Variants in ITPK1 observed in about 807,000 individuals in gnomAD.
The protein encoded by ITPK1 is inositol 1,3,4-trisphosphate 5/6-kinase.
Under a neutral mutation model 45.3 loss-of-function variants are expected in ITPK1, and 21 were observed. The observed-to-expected ratio is 0.46, with a 90% CI of 0.33 to 0.67. The LOEUF (loss-of-function observed/expected upper bound fraction) is 0.67. Among genes scored for constraint, ITPK1 ranks in the 30% least tolerant of loss-of-function variants. The probability of loss-of-function intolerance (pLI) is 0.02; values close to 1 mark genes in which losing one functional copy is unlikely to be tolerated. For missense variants in ITPK1, 474 were observed against 573.5 expected, an observed-to-expected ratio of 0.83 and a Z score of 1.77; for synonymous variants, 258 against 253.6, an observed-to-expected ratio of 1.02 and a Z score of -0.16.
chr14:93,055,606 C>A (rs1345465412), intron 3 of ITPK1, among the ~76,000 whole-genome samples: 9 of 152,200 alleles, frequency 5.9e-5, no homozygotes, highest in Non-Finnish European at 1.3e-4. Flanking sequence ...ATACAAATGC[C>A]ACCTGAACTT....
intron 5 of ITPK1, among the ~76,000 whole-genome samples, chr14:92,977,404 A>G (rs1886001581): frequency 6.6e-6 from 1 of 152,214 alleles, no homozygotes; most frequent in African/African-American, 2.4e-5. Flanking sequence ...ACCCTTAGGC[A>G]TTAAGGAAGG....
intron 2 of ITPK1, among the ~76,000 whole-genome samples, chr14:93,087,678 C>T (rs753704487): frequency 4.6e-5 from 7 of 152,204 alleles, no homozygotes. Context: ...CCCAAGGCTC[C>T]CACAGCTCTG....
intron 5 of ITPK1, among the ~76,000 whole-genome samples, chr14:92,973,077 G>T (rs1273822697): frequency 6.6e-6 from 1 of 152,208 alleles, no homozygotes; most frequent in Non-Finnish European, 1.5e-5. Context: ...CCATGCTGCT[G>T]CCTCGAGTGG....
intron 2 of ITPK1, among the ~76,000 whole-genome samples, chr14:93,107,644 G>A (rs113655593): frequency 6.6e-6 from 1 of 152,192 alleles, no homozygotes; most frequent in African/African-American, 2.4e-5. Context: ...CTGGAGGGGT[G>A]GGGGGATGCG....
intron 2 of ITPK1, among the ~76,000 whole-genome samples, chr14:93,113,826 C>T (rs1217093702): frequency 3.3e-5 from 5 of 152,342 alleles, no homozygotes; most frequent in Middle Eastern, 3.4e-3. Flanking sequence ...GGATAAAGAA[C>T]CAGGCACTAT....
chr14:93,100,547 A>G (rs8015957), intron 2 of ITPK1, among the ~76,000 whole-genome samples: 6,292 of 148,858 alleles, frequency 0.042, 440 homozygotes, highest in African/African-American at 0.14. Context: ...GGAGAGAGAG[A>G]GAGAGAGAGA....
At chr14:93,095,221 C>T (rs1892028009) in intron 2 of ITPK1, among the ~76,000 whole-genome samples, 2 of 152,176 alleles carry the variant, frequency 1.3e-5, no homozygotes, top group Admixed American at 1.3e-4. Flanking sequence ...TACCATCTAC[C>T]GCTGATTGGG....
At chr14:93,075,438 G>C (rs1015851302) in intron 3 of ITPK1, among the ~76,000 whole-genome samples, 7 of 150,434 alleles carry the variant, frequency 4.7e-5, no homozygotes, top group Non-Finnish European at 7.4e-5. Flanking sequence ...AAAACCTAGA[G>C]CTGCTGAGAG....
intron 8 of ITPK1, among the ~76,000 whole-genome samples, chr14:92,954,856 G>A (rs1186063660): frequency 6.6e-6 from 1 of 152,178 alleles, no homozygotes; most frequent in Non-Finnish European, 1.5e-5. Flanking sequence ...GGGAAATCCT[G>A]AGCTGCCCTT....
intron 5 of ITPK1, among the ~76,000 whole-genome samples, chr14:92,991,078 C>T (rs1003377272): frequency 6.6e-6 from 1 of 152,200 alleles, no homozygotes; most frequent in Non-Finnish European, 1.5e-5. Flanking sequence ...CTTCTCCCAG[C>T]ACAAAAGCGT....
At position 92,941,312 on chromosome 14, in the gene ITPK1, CAGTT is replaced by C. The variant is rs927988559; in HGVS notation, c.*245_*248del. 3.0e-4 allele frequency: 421 copies of C among 1,403,436 alleles called. 2 individuals are homozygous for C. In the South Asian group the frequency reaches 3.6e-3, roughly 12 times the overall value. 86.9% of individuals were successfully genotyped at this position (1,403,436 alleles called of 1,614,324 possible). On this transcript the variant is annotated 3_prime_UTR_variant, in exon 11 of 11. Coordinates refer to ENST00000267615, the MANE Select transcript of ITPK1 (RefSeq NM_014216.6). ...TTGCAAACACAAGCGTGTGTAAACT[CAGTT>C]AGGAGGTCTGCACAGTAGAGAGCAG...
At chr14:93,070,917 A>C (rs1437877134) in intron 3 of ITPK1, 1 of 153,798 alleles carries the variant, frequency 6.5e-6, no homozygotes, top group Non-Finnish European at 1.5e-5. Flanking sequence ...GAAATGGTGG[A>C]GTCAGGGTGG....
Position 92,941,435 on chromosome 14 carries a change from T to C in ITPK1, c.*126A>G, listed in dbSNP as rs527564561. ...AGATCATGACATCAGAGAATCAGGT[T>C]AAAAATTAAAAAACAGAAGAATCAG... On this transcript the variant is annotated 3_prime_UTR_variant, in exon 11 of 11. Transcript: ENST00000267615. 101 of 1,418,774 alleles carry C rather than the reference T, an allele frequency of 7.1e-5. 1 individual carries two copies. In the South Asian group the frequency reaches 1.3e-3, roughly 18 times the overall value. 87.9% of individuals were successfully genotyped at this position (1,418,774 alleles called of 1,614,324 possible).
chr14:93,078,738 C>G (rs1891324240), intron 2 of ITPK1, among the ~76,000 whole-genome samples: 1 of 152,176 alleles, frequency 6.6e-6, no homozygotes, highest in Non-Finnish European at 1.5e-5. Context: ...CGTTTCTGAG[C>G]ACCTGTGGAC....
intron 3 of ITPK1, among the ~76,000 whole-genome samples, chr14:93,051,538 C>A (rs926450281): frequency 7.3e-6 from 1 of 136,392 alleles, no homozygotes; most frequent in Non-Finnish European, 1.6e-5. Flanking sequence ...ATCGCTTGAG[C>A]CTGGGAGGCG....
Position 92,958,234 on chromosome 14 carries a change from G to T in ITPK1, c.637C>A (p.Pro213Thr). 1 of 1,614,196 alleles carries T rather than the reference G, an allele frequency of 6.2e-7. No individual in the cohort carries two copies. The highest frequency in any genetic ancestry group is 1.1e-5 in the South Asian group (1 of 91,080). ...VGESYTVVQR[P>T]SLKNFSAGTS... ...CCTGCGGAGAAGTTCTTGAGTGAGG[G>T]CCTCTGGACCACGGTGTAGGACTCG... Residue 213 changes from proline to threonine, a missense_variant, in exon 8 of 11, where the codon CCC becomes ACC. Transcript: ENST00000267615. This position sits in a 1 kb window ranked among gnomAD's most constrained non-coding sequence, Gnocchi z 4.4.
intron 10 of ITPK1, among the ~76,000 whole-genome samples, chr14:92,946,038 G>T (rs1216770665): frequency 6.6e-6 from 1 of 152,204 alleles, no homozygotes; most frequent in Non-Finnish European, 1.5e-5. Flanking sequence ...AGGGCCTGGG[G>T]GAGGGGCTGA....
rs545239720 is a variant in ITPK1 at position 93,077,103 on chromosome 14, G to A, written c.96-484C>T. The stretch of plus-strand genomic sequence containing the variant: ...ACGGGAGGCCCACACAGTCCTGCCC[G>A]CTGCCTTCCCAATGCTCCACTGATG... On this transcript the variant is annotated intron_variant, in intron 2 of 10. Transcript: ENST00000267615. 1.3e-4 allele frequency among the ~76,000 whole-genome samples: 20 copies of A among 152,210 alleles called. No homozygotes were observed. The East Asian group carries it at 2.9e-3, about 22-fold the overall frequency.
chr14:92,974,320 T>C (rs1356650928), intron 5 of ITPK1, among the ~76,000 whole-genome samples: 1 of 152,176 alleles, frequency 6.6e-6, no homozygotes, highest in Non-Finnish European at 1.5e-5. Flanking sequence ...GAGATAAAAC[T>C]GGAATGACAT....
Sources: gnomAD v4.1 joint callset for allele counts (sites outside exome capture counted in the v4.1 genomes callset) on GRCh38, gnomAD v4.1.1 for gene constraint, Gnocchi (gnomAD v3.1) non-coding constraint, MANE v1.5 for transcripts, NCBI Gene and HGNC (gene_info 2026-07-23, HGNC 2026-07-21) for gene names.